The following NRP2 variants were observed in gnomAD, a reference collection of about 807,000 sequenced individuals.
The protein encoded by NRP2 is neuropilin 2.
A neutral mutation model predicts 110.4 loss-of-function variants in NRP2; 52 were observed. That is an observed-to-expected ratio of 0.47 (90% CI 0.38 to 0.59). NRP2 has a LOEUF of 0.59. NRP2 is among the 20% of genes least tolerant of loss of function. The pLI is 0.00. For missense variants in NRP2, 1,049 were observed against 1,203.0 expected, an observed-to-expected ratio of 0.87 and a Z score of 1.89; for synonymous variants, 508 against 468.9, an observed-to-expected ratio of 1.08 and a Z score of -1.08.
At chr2:205,689,925 A>G (rs1032686324) in intron 1 of NRP2, among the ~76,000 whole-genome samples, 2 of 152,166 alleles carry the variant, frequency 1.3e-5, no homozygotes, top group Admixed American at 1.3e-4. Context: ...TAATAATCCC[A>G]TTTCCCTCTG....
intron 10 of NRP2, among the ~76,000 whole-genome samples, chr2:205,746,682 G>A (rs1471827283): frequency 6.6e-6 from 1 of 152,232 alleles, no homozygotes; most frequent in Non-Finnish European, 1.5e-5. Flanking sequence ...GCAGCCACCA[G>A]CCTGAGCTAT....
chr2:205,711,251 G>A lies in NRP2; in HGVS notation c.252-4942G>A, dbSNP rs772732091. ...ACATGCCAGGCACCAGGGAAGTGTC[G>A]TAAATTCAGCAGTGAAGAGGCAAGG... On this transcript the variant is annotated intron_variant, in intron 2 of 16. Coordinates refer to ENST00000357785, the MANE Select transcript of NRP2 (RefSeq NM_003872.3). Among the ~76,000 whole-genome samples, 7 of 152,294 alleles carry A rather than the reference G, an allele frequency of 4.6e-5. No homozygotes were observed. The South Asian group carries it at 6.2e-4, about 14-fold the overall frequency.
rs1221275025 is a variant in NRP2 at position 205,797,775 on chromosome 2, T to G, written c.*2717T>G. 1.3e-5 allele frequency: 2 copies of G among 152,658 alleles called. No individual in the cohort carries two copies. Among genetic ancestry groups the G allele is most frequent in the East Asian group, 3.9e-4 (2 of 5,188 alleles). 9.5% of individuals were successfully genotyped at this position (152,658 alleles called of 1,614,324 possible). ...TGCCAGTATTGATCTCCTTTTTGCC[T>G]TGTACTGAATGACACATTACCTCCA... On this transcript the variant is annotated 3_prime_UTR_variant, in exon 17 of 17. Transcript: ENST00000357785.
At chr2:205,764,882 G>C (rs2057888685) in intron 13 of NRP2, among the ~76,000 whole-genome samples, 1 of 152,154 alleles carries the variant, frequency 6.6e-6, no homozygotes, top group African/African-American at 2.4e-5. Flanking sequence ...GAGCTTCTCT[G>C]GGCAGAGATC....
chr2:205,724,486 G>T (rs2057086583), intron 5 of NRP2, among the ~76,000 whole-genome samples: 1 of 152,098 alleles, frequency 6.6e-6, no homozygotes, highest in African/African-American at 2.4e-5. Flanking sequence ...AGTTTGTGGA[G>T]CTTCTAGTAT....
chr2:205,745,693 TGATA>T, intron 9 of NRP2, 49 bp from the exon 10 acceptor site: 1 of 1,610,124 alleles, frequency 6.2e-7, no homozygotes, highest in East Asian at 2.2e-5. Context: ...GGGAAGAAGG[TGATA>T]GGGACTGGGT....
chr2:205,696,599 T>A (rs1158039529), intron 1 of NRP2, among the ~76,000 whole-genome samples: 1 of 152,204 alleles, frequency 6.6e-6, no homozygotes, highest in South Asian at 2.1e-4. Flanking sequence ...TCACCCACCT[T>A]TGGAGCCTTT....
chr2:205,702,981 G>T (rs2056592976), intron 2 of NRP2, among the ~76,000 whole-genome samples: 1 of 152,134 alleles, frequency 6.6e-6, no homozygotes, highest in Non-Finnish European at 1.5e-5. Flanking sequence ...CTTGCTTTTT[G>T]TTCATATGTG....
chr2:205,702,969 C>G (rs2056592768), intron 2 of NRP2, among the ~76,000 whole-genome samples: 4 of 152,182 alleles, frequency 2.6e-5, no homozygotes, highest in Admixed American at 1.3e-4. Context: ...TTGCCTGAGT[C>G]CCTTGCTTTT....
intron 3 of NRP2, among the ~76,000 whole-genome samples, chr2:205,720,946 G>A (rs534798004): frequency 2.2e-4 from 34 of 152,326 alleles, no homozygotes; most frequent in African/African-American, 6.3e-4. Context: ...CCTTGCCCTC[G>A]TGTGTTCCTA....
At chr2:205,745,540 T>G (rs1366527015) in intron 9 of NRP2, among the ~76,000 whole-genome samples, 1 of 152,128 alleles carries the variant, frequency 6.6e-6, no homozygotes, top group African/African-American at 2.4e-5. Context: ...TAATTCTGGG[T>G]CCATAACCAC....
intron 2 of NRP2, among the ~76,000 whole-genome samples, chr2:205,699,993 A>C (rs142872524): frequency 1.5e-5 from 2 of 129,910 alleles, no homozygotes; most frequent in African/African-American, 6.0e-5. Context: ...TCTCTCTCTC[A>C]TTAATTTTTG....
At chr2:205,732,775 T>G (rs763737093) in intron 7 of NRP2, among the ~76,000 whole-genome samples, 49 of 152,346 alleles carry the variant, frequency 3.2e-4, no homozygotes, top group African/African-American at 1.1e-3. Context: ...GGGGCCTGCA[T>G]TGAGCTGCCT....
intron 15 of NRP2, chr2:205,776,161 T>C (rs772747305): frequency 1.5e-6 from 2 of 1,301,612 alleles, no homozygotes; most frequent in African/African-American, 1.4e-5. Flanking sequence ...AAAGCATGTG[T>C]GTGTTTCTTT....
In NRP2 at chr2:205,766,787, C is replaced by A; in HGVS notation, c.2409C>A (p.Pro803=). 1 of 1,612,924 alleles carries A rather than the reference C, an allele frequency of 6.2e-7. No homozygotes were observed. The highest frequency in any genetic ancestry group is 8.5e-7 in the Non-Finnish European group (1 of 1,179,794). Reference sequence around the variant, plus strand: ...TTTTTTGTTTGTTTTTTTCAGAACCCATCTCGGCTTTTGCAGGTGAGAATT... The same window carrying A: ...TTTTTTGTTTGTTTTTTTCAGAACCAATCTCGGCTTTTGCAGGTGAGAATT... The part of the protein sequence containing the change: ...TDVPLENCME[P]ISAFAVDIPE... Residue 803 remains proline, a synonymous_variant, in exon 15 of 17, where the codon CCC becomes CCA. Transcript: ENST00000357785.
intron 2 of NRP2, among the ~76,000 whole-genome samples, chr2:205,705,474 T>G (rs970090485): frequency 3.3e-5 from 5 of 152,368 alleles, no homozygotes; most frequent in Middle Eastern, 3.4e-3. Flanking sequence ...TGACTTTTTT[T>G]ATGCCTCTTT....
At chr2:205,721,322 A>T (rs1232395079) in intron 3 of NRP2, among the ~76,000 whole-genome samples, 1 of 152,158 alleles carries the variant, frequency 6.6e-6, no homozygotes, top group African/African-American at 2.4e-5. Flanking sequence ...TAGAGTGTCT[A>T]TTATCCTCCT....
chr2:205,788,557 GT>G (rs3836088), intron 15 of NRP2, among the ~76,000 whole-genome samples: 22,810 of 152,186 alleles, frequency 0.15, 1,927 homozygotes, highest in African/African-American at 0.23. Context: ...CAGGTGCCAT[GT>G]TTGAAAGCAT....
chr2:205,775,447 C>CCTCT (rs1254203929), intron 15 of NRP2, among the ~76,000 whole-genome samples: 1 of 151,956 alleles, frequency 6.6e-6, no homozygotes, highest in African/African-American at 2.4e-5. Flanking sequence ...GATTTCCCTC[C>CCTCT]CTCTCTCTCT....
Sources: gnomAD v4.1 joint callset for allele counts (sites outside exome capture counted in the v4.1 genomes callset) on GRCh38, gnomAD v4.1.1 for gene constraint, MANE v1.5 for transcripts, NCBI Gene and HGNC (gene_info 2026-07-23, HGNC 2026-07-21) for gene names.